The following UBASH3B variants were observed in gnomAD, a reference collection of about 807,000 sequenced individuals.
UBASH3B encodes ubiquitin associated and SH3 domain containing B, also known as ubiquitin-associated and SH3 domain-containing protein B.
A neutral mutation model predicts 83.4 loss-of-function variants in UBASH3B; 37 were observed. That is an observed-to-expected ratio of 0.44 (90% CI 0.34 to 0.58). The LOEUF is 0.58. Among genes scored for constraint, UBASH3B ranks in the 20% least tolerant of loss-of-function variants. The pLI is 0.01. For missense variants in UBASH3B, 657 were observed against 827.2 expected, an observed-to-expected ratio of 0.79 and a Z score of 2.52; for synonymous variants, 304 against 318.3, an observed-to-expected ratio of 0.96 and a Z score of 0.48.
intron 1 of UBASH3B, among the ~76,000 whole-genome samples, chr11:122,716,382 C>T (rs1295056488): frequency 6.6e-6 from 1 of 152,158 alleles, no homozygotes; most frequent in Non-Finnish European, 1.5e-5. Flanking sequence ...GCCATGTTGC[C>T]CAGGCTGGGT....
At chr11:122,741,490 C>T (rs1861023733) in intron 1 of UBASH3B, among the ~76,000 whole-genome samples, 1 of 152,198 alleles carries the variant, frequency 6.6e-6, no homozygotes, top group Non-Finnish European at 1.5e-5. Flanking sequence ...TCAAGCCCGT[C>T]TCTTTAAGAT....
chr11:122,747,049 C>T (rs78883946), intron 1 of UBASH3B, among the ~76,000 whole-genome samples: 4,451 of 152,288 alleles, frequency 0.029, 111 homozygotes, highest in Middle Eastern at 0.058. Context: ...TGCCGAGGCT[C>T]CTGGCTGAAG....
chr11:122,768,466 A>AGGTATGTGTGTG (rs745861229), intron 1 of UBASH3B, among the ~76,000 whole-genome samples: 1,420 of 128,592 alleles, frequency 0.011, 24 homozygotes, highest in Non-Finnish European at 0.016. Flanking sequence ...AGAGATATAT[A>AGGTATGTGTGTG]TGTATGTGTG....
At chr11:122,741,447 A>G (rs889496914) in intron 1 of UBASH3B, among the ~76,000 whole-genome samples, 1 of 152,224 alleles carries the variant, frequency 6.6e-6, no homozygotes, top group Non-Finnish European at 1.5e-5. Flanking sequence ...AACTCAGTGA[A>G]TGAGCAAAAC....
At chr11:122,714,957 G>C (rs1860484755) in intron 1 of UBASH3B, among the ~76,000 whole-genome samples, 1 of 152,106 alleles carries the variant, frequency 6.6e-6, no homozygotes, top group Non-Finnish European at 1.5e-5. Flanking sequence ...TGTTCTTGTT[G>C]TTTTTTGAGA....
intron 1 of UBASH3B, among the ~76,000 whole-genome samples, chr11:122,721,244 C>CAAA (rs34298191): frequency 4.4e-4 from 32 of 73,098 alleles, no homozygotes; most frequent in Non-Finnish European, 5.1e-4. Flanking sequence ...GACTGTGTCT[C>CAAA]AAAAAAAAAA....
chr11:122,790,714 G>C (rs919811367), intron 6 of UBASH3B, among the ~76,000 whole-genome samples: 1 of 151,922 alleles, frequency 6.6e-6, no homozygotes, highest in Non-Finnish European at 1.5e-5. Context: ...TGGGAGGCCA[G>C]GGTGGGTGGA....
intron 6 of UBASH3B, among the ~76,000 whole-genome samples, 177 bp from the exon 7 acceptor site, chr11:122,794,525 C>T (rs887838645): frequency 6.6e-6 from 1 of 152,138 alleles, no homozygotes; most frequent in Non-Finnish European, 1.5e-5. Flanking sequence ...TGCAAGACTT[C>T]AGTATAAAAC....
chr11:122,671,594 A>G (rs1863593387), intron 1 of UBASH3B, among the ~76,000 whole-genome samples: 1 of 152,264 alleles, frequency 6.6e-6, no homozygotes. Context: ...GCCGCCTCAG[A>G]CACCACAGAT....
intron 1 of UBASH3B, among the ~76,000 whole-genome samples, chr11:122,723,534 G>A (rs1175780053): frequency 6.6e-6 from 1 of 152,208 alleles, no homozygotes; most frequent in African/African-American, 2.4e-5. Context: ...TTCCCTGCGA[G>A]CAGCAATAAG....
intron 1 of UBASH3B, among the ~76,000 whole-genome samples, chr11:122,713,611 A>G (rs1864228767): frequency 6.6e-6 from 1 of 152,136 alleles, no homozygotes; most frequent in Non-Finnish European, 1.5e-5. Flanking sequence ...CCATGGCCAA[A>G]TTCTTGGTAA....
chr11:122,735,997 A>G (rs1860926020), intron 1 of UBASH3B, among the ~76,000 whole-genome samples: 1 of 152,188 alleles, frequency 6.6e-6, no homozygotes, highest in South Asian at 2.1e-4. Context: ...AGCAATGTGG[A>G]TGGTGTATAA....
At chr11:122,699,006 C>T (rs1400052630) in intron 1 of UBASH3B, among the ~76,000 whole-genome samples, 1 of 152,148 alleles carries the variant, frequency 6.6e-6, no homozygotes, top group Non-Finnish European at 1.5e-5. Flanking sequence ...CCCAGCACCA[C>T]ACCCAGCTAA....
Position 122,758,974 on chromosome 11 carries a change from C to G in UBASH3B, c.162-17245C>G, listed in dbSNP as rs1295922898. 6.6e-6 allele frequency among the ~76,000 whole-genome samples: 1 copy of G among 152,170 alleles called. No individual in the cohort carries two copies. The highest frequency in any genetic ancestry group is 1.5e-5 in the Non-Finnish European group (1 of 68,036). On this transcript the variant is annotated intron_variant, in intron 1 of 13. Coordinates refer to ENST00000284273, the MANE Select transcript of UBASH3B (RefSeq NM_032873.5). The surrounding 1 kb of genome is among the most constrained non-coding windows in gnomAD (Gnocchi z 4.2). ...TTTTCACTTTTTATGACTCAGCACT[C>G]TAACTTTAGTGGCTTAAAACACACA... is the stretch of plus-strand genomic sequence containing the variant.
chr11:122,726,986 C>T (rs1013215525), intron 1 of UBASH3B, among the ~76,000 whole-genome samples: 29 of 152,246 alleles, frequency 1.9e-4, no homozygotes, highest in Non-Finnish European at 3.7e-4. Context: ...ATACTTCCCT[C>T]TTGTCCACGG....
chr11:122,782,944 A>C, intron 4 of UBASH3B, 109 bp from the exon 5 acceptor site: 1 of 1,316,030 alleles, frequency 7.6e-7, no homozygotes, highest in Non-Finnish European at 1.0e-6. Context: ...CTTCTTTGTT[A>C]TGTGGGAAGC....
intron 1 of UBASH3B, among the ~76,000 whole-genome samples, chr11:122,729,722 G>A (rs892887409): frequency 6.9e-6 from 1 of 145,282 alleles, no homozygotes. Flanking sequence ...CACGTTGGGA[G>A]GCCCAGGTGG....
At chr11:122,795,814 GCT>G (rs1591327510) in intron 7 of UBASH3B, among the ~76,000 whole-genome samples, 1 of 152,272 alleles carries the variant, frequency 6.6e-6, no homozygotes, top group East Asian at 1.9e-4. Context: ...CCACTAGATG[GCT>G]CTCTCTACAT....
At chr11:122,799,785 A>C (rs1173807051) in intron 10 of UBASH3B, among the ~76,000 whole-genome samples, 1 of 152,220 alleles carries the variant, frequency 6.6e-6, no homozygotes, top group Admixed American at 6.5e-5. Flanking sequence ...AAGATACTCA[A>C]CTTTCACCCT....
Sources: allele counts gnomAD v4.1 joint callset (sites outside exome capture counted in the v4.1 genomes callset), GRCh38; gene constraint gnomAD v4.1.1; non-coding constraint Gnocchi (gnomAD v3.1); transcripts MANE v1.5; gene names NCBI Gene and HGNC (gene_info 2026-07-23, HGNC 2026-07-21).